Variants in TRIM9 observed in about 807,000 individuals in gnomAD.
The protein encoded by TRIM9 is tripartite motif containing 9.
In TRIM9, 26 loss-of-function variants were observed where a neutral mutation model predicts 78.3. The observed-to-expected ratio is 0.33, with a 90% CI of 0.24 to 0.46. TRIM9 has a LOEUF of 0.46. TRIM9 is among the 20% of genes least tolerant of loss of function. The pLI is 1.00. For synonymous variants in TRIM9, 398 were observed against 416.5 expected, an observed-to-expected ratio of 0.96 and a Z score of 0.54; for missense variants, 787 against 1,036.4, an observed-to-expected ratio of 0.76 and a Z score of 3.30.
chr14:51,093,548 G>A (rs1163881910), intron 1 of TRIM9, among the ~76,000 whole-genome samples: 1 of 152,210 alleles, frequency 6.6e-6, no homozygotes, highest in African/African-American at 2.4e-5. Flanking sequence ...AGGACCCCGC[G>A]TTCTCTCCAG....
intron 3 of TRIM9, among the ~76,000 whole-genome samples, chr14:51,014,459 A>G (rs191884074): frequency 4.7e-4 from 71 of 152,302 alleles, no homozygotes; most frequent in Admixed American, 1.4e-3. Context: ...TTACATTTTA[A>G]TCAACCATTC....
chr14:51,020,694 T>C (rs1328932332), intron 3 of TRIM9, among the ~76,000 whole-genome samples: 1 of 152,248 alleles, frequency 6.6e-6, no homozygotes, highest in Non-Finnish European at 1.5e-5. Flanking sequence ...AGTCCTTAAC[T>C]GATTTTCACA....
intron 1 of TRIM9, among the ~76,000 whole-genome samples, chr14:51,048,163 G>A (rs1298477178): frequency 1.3e-5 from 2 of 152,198 alleles, no homozygotes; most frequent in African/African-American, 2.4e-5. Flanking sequence ...CTATCTGAAA[G>A]TGCAGAGGTT....
intron 3 of TRIM9, 146 bp downstream of exon 3, chr14:51,022,689 T>C (rs1186652639): frequency 3.1e-5 from 39 of 1,251,164 alleles, no homozygotes; most frequent in Non-Finnish European, 4.2e-5. Flanking sequence ...GAGGTGTCTG[T>C]TCCTTTCTGG....
chr14:51,008,819 T>C (rs1429572016), intron 5 of TRIM9, among the ~76,000 whole-genome samples: 2 of 152,216 alleles, frequency 1.3e-5, no homozygotes, highest in Non-Finnish European at 2.9e-5. Context: ...TCTCTCTGCT[T>C]TCCTCTTTTT....
At chr14:51,082,222 G>T (rs531650812) in intron 1 of TRIM9, among the ~76,000 whole-genome samples, 2 of 152,080 alleles carry the variant, frequency 1.3e-5, no homozygotes, top group Non-Finnish European at 2.9e-5. Flanking sequence ...CAGGAACCAC[G>T]GACAAAGACC....
intron 1 of TRIM9, among the ~76,000 whole-genome samples, chr14:51,082,421 G>C (rs1054894856): frequency 6.6e-6 from 1 of 152,138 alleles, no homozygotes; most frequent in African/African-American, 2.4e-5. Context: ...ATTAGTACAG[G>C]ATAATTAGTC....
At chr14:50,990,497 G>A (rs2053361413) in intron 7 of TRIM9, among the ~76,000 whole-genome samples, 1 of 152,264 alleles carries the variant, frequency 6.6e-6, no homozygotes, top group East Asian at 1.9e-4. Flanking sequence ...CACTTCTGGG[G>A]GTGGAATTTC....
Position 51,000,818 on chromosome 14 carries a change from G to A in TRIM9, c.1329C>T (p.Thr443=). 6.2e-7 allele frequency: 1 copy of A among 1,614,204 alleles called. No individual in the cohort carries two copies. Among genetic ancestry groups the A allele is most frequent in the Non-Finnish European group, 8.5e-7 (1 of 1,180,026 alleles). The change falls in exon 6 of 13, where the codon ACC becomes ACT. Residue 443 remains threonine, a synonymous_variant. Coordinates refer to ENST00000684578, the MANE Select transcript of TRIM9 (RefSeq NM_001387360.1). ...AACATTCCTCCAGCTGTAGGATAGG[G>A]GTTGCTGGGACTGGAGAGGAAGCTA... The part of the protein sequence containing the change: ...QVKASSPVPA[T]PILQLEECCT...
chr14:51,073,182 GA>G (rs1411108265), intron 1 of TRIM9, among the ~76,000 whole-genome samples: 1 of 152,234 alleles, frequency 6.6e-6, no homozygotes, highest in African/African-American at 2.4e-5. Flanking sequence ...GTGCTGGTGA[GA>G]ATGAGGAGTA....
chr14:51,017,232 G>A (rs992622797), intron 3 of TRIM9, among the ~76,000 whole-genome samples: 1 of 152,070 alleles, frequency 6.6e-6, no homozygotes, highest in Non-Finnish European at 1.5e-5. Context: ...TATTTTCCCC[G>A]TTCTCTTGAT....
At chr14:51,031,147 CAAAAAAAA>C (rs1210514761) in intron 1 of TRIM9, among the ~76,000 whole-genome samples, 9 of 100,748 alleles carry the variant, frequency 8.9e-5, no homozygotes, top group African/African-American at 2.0e-4. Flanking sequence ...AAACTCTTTC[CAAAAAAAA>C]AAAAAAAAAA....
At chr14:51,077,394 T>TC in intron 1 of TRIM9, among the ~76,000 whole-genome samples, 4 of 92,418 alleles carry the variant, frequency 4.3e-5, no homozygotes, top group Non-Finnish European at 1.1e-4. Flanking sequence ...CTGTTTTTTT[T>TC]TTTTTTTTTT....
Position 51,011,618 on chromosome 14 carries a change from G to T in TRIM9, c.1042-1124C>A, listed in dbSNP as rs535610314. Among the ~76,000 whole-genome samples, 3 of 152,230 alleles carry T rather than the reference G, an allele frequency of 2.0e-5. No individual in the cohort carries two copies. In the East Asian group the frequency reaches 5.8e-4, roughly 29 times the overall value. On this transcript the variant is annotated intron_variant, in intron 3 of 12. Coordinates refer to ENST00000684578, the MANE Select transcript of TRIM9 (RefSeq NM_001387360.1). ...GATTTTATGGATAATAGCCAAAAGA[G>T]AATCTAATAATAATTATTTTAAAAT...
intron 1 of TRIM9, among the ~76,000 whole-genome samples, chr14:51,054,975 G>A (rs561446868): frequency 6.6e-6 from 1 of 151,942 alleles, no homozygotes; most frequent in Non-Finnish European, 1.5e-5. Context: ...GACAACAAGC[G>A]CGCGCCACCA....
intron 1 of TRIM9, among the ~76,000 whole-genome samples, chr14:51,086,733 G>A (rs1458999496): frequency 3.3e-5 from 5 of 152,168 alleles, no homozygotes; most frequent in Admixed American, 2.6e-4. Context: ...ACAGGGCTGG[G>A]AAGAGAGTCT....
intron 1 of TRIM9, among the ~76,000 whole-genome samples, chr14:51,027,836 T>C (rs1443035070): frequency 8.3e-6 from 1 of 120,462 alleles, no homozygotes; most frequent in Non-Finnish European, 1.7e-5. Context: ...AGAACTCATA[T>C]CTTTTTTTTT....
At chr14:51,077,183 G>T (rs2062856976) in intron 1 of TRIM9, among the ~76,000 whole-genome samples, 1 of 152,056 alleles carries the variant, frequency 6.6e-6, no homozygotes, top group Non-Finnish European at 1.5e-5. Context: ...TTTGCAGTTG[G>T]CCAACAAGCA....
intron 1 of TRIM9, among the ~76,000 whole-genome samples, chr14:51,055,744 G>A (rs1234692859): frequency 6.6e-6 from 1 of 152,208 alleles, no homozygotes; most frequent in Non-Finnish European, 1.5e-5. Context: ...CTACAGAATT[G>A]TAAAACAGGA....
Sources: gnomAD v4.1 joint callset for allele counts (sites outside exome capture counted in the v4.1 genomes callset) on GRCh38, gnomAD v4.1.1 for gene constraint, MANE v1.5 for transcripts, NCBI Gene and HGNC (gene_info 2026-07-23, HGNC 2026-07-21) for gene names.